MIA2: variants seen among roughly 807,000 people sequenced by gnomAD.
MIA2 encodes the protein MIA SH3 domain ER export factor 2, also known as melanoma inhibitory activity protein 2.
Under a neutral mutation model 167.8 loss-of-function variants are expected in MIA2, and 127 were observed. The ratio of observed to expected loss-of-function variants is 0.76; its 90% CI spans 0.66 to 0.88. The LOEUF (loss-of-function observed/expected upper bound fraction) is 0.88, where lower values mean the gene tolerates loss of function less well. Ranked by LOEUF, MIA2 falls within the 40% of genes least tolerant of loss-of-function variation. MIA2 has a pLI of 0.00. For missense variants in MIA2, 1,690 were observed against 1,624.7 expected (o/e 1.04, Z -0.69); for synonymous variants, 552 against 541.9 (o/e 1.02, Z -0.26).
intron 6 of MIA2, chr14:39,265,885 T>C: frequency 1.5e-6 from 1 of 663,744 alleles, no homozygotes; most frequent in Non-Finnish European, 1.9e-6. Flanking sequence ...TGTAATACCT[T>C]ATACCTTAAC....
chr14:39,362,187 A>T (rs1217613879), intron 23 of MIA2, among the ~76,000 whole-genome samples: 1 of 152,226 alleles, frequency 6.6e-6, no homozygotes, highest in Non-Finnish European at 1.5e-5. Flanking sequence ...TGGTATCAGA[A>T]TAATGCTGAC....
chr14:39,384,790 A>ACT (rs369347483), intron 23 of MIA2, among the ~76,000 whole-genome samples: 47 of 152,206 alleles, frequency 3.1e-4, no homozygotes, highest in East Asian at 1.7e-3. Context: ...GCACGCGCAC[A>ACT]CTCACACACA....
intron 1 of MIA2, among the ~76,000 whole-genome samples, chr14:39,236,133 C>T (rs1339972300): frequency 6.6e-6 from 1 of 152,080 alleles, no homozygotes; most frequent in African/African-American, 2.4e-5. Context: ...GTTTCTTCCC[C>T]TTCAGAAAAT....
At chr14:39,357,358 G>C (rs569298762) in intron 23 of MIA2, among the ~76,000 whole-genome samples, 489 of 152,256 alleles carry the variant, frequency 3.2e-3, no homozygotes, top group African/African-American at 0.011. Context: ...TGTTTTATCA[G>C]AGATTAGGAT....
chr14:39,291,207 C>T (rs1486595655), intron 10 of MIA2, 111 bp downstream of exon 10: 1 of 834,528 alleles, frequency 1.2e-6, no homozygotes, highest in Non-Finnish European at 1.8e-6. Context: ...GAAAGAGCAT[C>T]TCTGGATGTT....
In MIA2 at chr14:39,291,465, G is replaced by A. The variant is rs555272072; in HGVS notation, c.2208+369G>A. Among the ~76,000 whole-genome samples, 18 of 152,232 alleles carry A rather than the reference G, an allele frequency of 1.2e-4. No homozygotes were observed. The South Asian group carries it at 3.7e-3, about 32-fold the overall frequency. ...AATAAGATTCATTTTTACAAACTTA[G>A]GAATAGTTGGCAACAATAACTTTGT... On this transcript the variant is annotated intron_variant, in intron 10 of 28. Coordinates refer to ENST00000640607, the MANE Select transcript of MIA2 (RefSeq NM_001329214.4).
intron 13 of MIA2, among the ~76,000 whole-genome samples, chr14:39,295,878 TTCTG>T (rs1425586123): frequency 6.6e-6 from 1 of 152,202 alleles, no homozygotes; most frequent in Admixed American, 6.5e-5. Context: ...TTATTACATA[TTCTG>T]TCTTATTCAA....
chr14:39,376,789 C>T (rs148690044), intron 23 of MIA2, among the ~76,000 whole-genome samples: 3 of 152,254 alleles, frequency 2.0e-5, no homozygotes, highest in Non-Finnish European at 4.4e-5. Context: ...TGTAGGGTCA[C>T]ATTACTGAAT....
At chr14:39,259,247 G>A (rs2054964652) in intron 6 of MIA2, among the ~76,000 whole-genome samples, 1 of 152,236 alleles carries the variant, frequency 6.6e-6, no homozygotes, top group Non-Finnish European at 1.5e-5. Flanking sequence ...GGTTTTGTCT[G>A]TAAGCCCCTA....
chr14:39,354,579 G>T (rs4531652), downstream of MIA2, among the ~76,000 whole-genome samples: 42,025 of 151,938 alleles, frequency 0.28, 7,130 homozygotes, highest in Non-Finnish European at 0.38. Flanking sequence ...ATCCCATTTG[G>T]CAATTTTGGC....
intron 6 of MIA2, among the ~76,000 whole-genome samples, chr14:39,274,159 T>G (rs971453352): frequency 6.6e-6 from 1 of 152,212 alleles, no homozygotes; most frequent in African/African-American, 2.4e-5. Context: ...GTTCTGTGAT[T>G]AATCACTACC....
intron 22 of MIA2, among the ~76,000 whole-genome samples, chr14:39,318,312 C>G (rs922674552): frequency 6.6e-6 from 1 of 152,062 alleles, no homozygotes; most frequent in Non-Finnish European, 1.5e-5. Flanking sequence ...AGGGGTGAAT[C>G]TCTCTGACAT....
At chr14:39,252,480 C>G (rs991786674) in intron 4 of MIA2, among the ~76,000 whole-genome samples, 1 of 152,182 alleles carries the variant, frequency 6.6e-6, no homozygotes, top group African/African-American at 2.4e-5. Context: ...GCCTTGACAA[C>G]TTTAACACCT....
intron 23 of MIA2, among the ~76,000 whole-genome samples, chr14:39,382,712 G>A (rs1330698173): frequency 6.6e-6 from 1 of 152,166 alleles, no homozygotes; most frequent in African/African-American, 2.4e-5. Flanking sequence ...GGAACAAAAG[G>A]AAAAGCAGTT....
intron 18 of MIA2, among the ~76,000 whole-genome samples, chr14:39,311,494 G>A (rs75335370): frequency 2.1e-5 from 2 of 95,642 alleles, no homozygotes; most frequent in East Asian, 6.1e-4. Context: ...TTTTTTTTTG[G>A]TGAGATGAAG....
intron 23 of MIA2, chr14:39,386,136 A>G (rs2075270097): frequency 7.6e-7 from 1 of 1,320,260 alleles, no homozygotes; most frequent in Non-Finnish European, 1.1e-6. Flanking sequence ...CTGACTCTGA[A>G]CTAGAGTCTG....
intron 23 of MIA2, among the ~76,000 whole-genome samples, chr14:39,357,113 CT>C (rs1302351780): frequency 1.3e-5 from 2 of 152,110 alleles, no homozygotes; most frequent in Non-Finnish European, 2.9e-5. Context: ...TCCTTGTTAA[CT>C]TTCTGTCTCG....
chr14:39,320,103 AT>A (rs60586774), intron 23 of MIA2, among the ~76,000 whole-genome samples: 4 of 140,476 alleles, frequency 2.8e-5, no homozygotes, highest in East Asian at 1.9e-4. Context: ...ATATAGAAGG[AT>A]TTTTTTTTGT....
intron 23 of MIA2, among the ~76,000 whole-genome samples, chr14:39,319,650 C>CTG (rs1012767605): frequency 6.6e-6 from 1 of 151,872 alleles, no homozygotes. Context: ...AGCATTGTGA[C>CTG]TGTTTATATA....
Sources: allele counts gnomAD v4.1 joint callset (sites outside exome capture counted in the v4.1 genomes callset), GRCh38; gene constraint gnomAD v4.1.1; transcripts MANE v1.5; gene names NCBI Gene and HGNC (gene_info 2026-07-23, HGNC 2026-07-21).